Variants in LDB2 observed in about 807,000 individuals in gnomAD.
LDB2 encodes the protein LIM domain binding 2.
LDB2 carries 12 observed loss-of-function variants against 44.3 expected under a neutral mutation model. The ratio of observed to expected loss-of-function variants is 0.27; its 90% CI spans 0.17 to 0.44. The LOEUF is 0.44. LDB2 is among the 20% of genes least tolerant of loss of function. The pLI is 1.00. For synonymous variants in LDB2, 164 were observed against 174.8 expected (o/e 0.94, Z 0.49); for missense variants, 344 against 473.5 (o/e 0.73, Z 2.54).
At chr4:16,587,653 G>A (rs1717474911) in intron 4 of LDB2, among the ~76,000 whole-genome samples, 1 of 152,154 alleles carries the variant, frequency 6.6e-6, no homozygotes, top group African/African-American at 2.4e-5. Flanking sequence ...GTGTTAACTA[G>A]TCAGAAAGAG....
intron 2 of LDB2, among the ~76,000 whole-genome samples, chr4:16,696,399 GA>G (rs1752134351): frequency 6.6e-6 from 1 of 152,086 alleles, no homozygotes; most frequent in Non-Finnish European, 1.5e-5. Flanking sequence ...CCAAAATGAA[GA>G]AAAAATAATC....
chr4:16,742,637 A>T (rs73799259), intron 2 of LDB2, among the ~76,000 whole-genome samples: 94 of 152,202 alleles, frequency 6.2e-4, no homozygotes, highest in African/African-American at 2.2e-3. Context: ...ATGTGGCCAA[A>T]TTCTCCTCTT....
chr4:16,592,505 T>TATATATATACACACAC (rs757702164), intron 3 of LDB2, among the ~76,000 whole-genome samples: 6 of 108,050 alleles, frequency 5.6e-5, no homozygotes, highest in African/African-American at 2.3e-4. Flanking sequence ...TATATATATA[T>TATATATATACACACAC]ACACACACAC....
chr4:16,675,941 A>G (rs191447138), intron 2 of LDB2, among the ~76,000 whole-genome samples: 1 of 152,342 alleles, frequency 6.6e-6, no homozygotes, highest in Admixed American at 6.5e-5. Context: ...TGCCTGATTA[A>G]ACAAAAGTAC....
intron 2 of LDB2, among the ~76,000 whole-genome samples, chr4:16,675,466 T>TA (rs1560842263): frequency 6.6e-6 from 1 of 151,488 alleles, no homozygotes; most frequent in Admixed American, 6.6e-5. Context: ...CACTTTTATT[T>TA]AAAAAAAGAA....
At chr4:16,688,843 T>C (rs10020721) in intron 2 of LDB2, among the ~76,000 whole-genome samples, 13,481 of 152,306 alleles carry the variant, frequency 0.089, 787 homozygotes, top group East Asian at 0.33. Flanking sequence ...TCTCCTAATA[T>C]GTATGTTATT....
chr4:16,767,060 C>T (rs148414802), intron 1 of LDB2, among the ~76,000 whole-genome samples: 2 of 152,056 alleles, frequency 1.3e-5, no homozygotes, highest in Non-Finnish European at 2.9e-5. Context: ...ATATTTTGGT[C>T]CTTTCATTAG....
At chr4:16,704,199 C>CA (rs1305784897) in intron 2 of LDB2, among the ~76,000 whole-genome samples, 9 of 152,162 alleles carry the variant, frequency 5.9e-5, no homozygotes, top group Non-Finnish European at 1.0e-4. Context: ...TCCAGAACTA[C>CA]AAAAACCCCT....
intron 2 of LDB2, among the ~76,000 whole-genome samples, chr4:16,750,122 T>G (rs1765209341): frequency 6.6e-6 from 1 of 152,230 alleles, no homozygotes; most frequent in African/African-American, 2.4e-5. Flanking sequence ...CCTTCTACAA[T>G]TTTTCATTGT....
intron 5 of LDB2, among the ~76,000 whole-genome samples, chr4:16,527,432 A>T (rs1167051094): frequency 1.3e-5 from 2 of 152,128 alleles, no homozygotes; most frequent in Admixed American, 1.3e-4. Context: ...AAAAAAATAG[A>T]TGTTGGCGTG....
intron 2 of LDB2, among the ~76,000 whole-genome samples, chr4:16,690,210 A>G (rs903537714): frequency 4.6e-5 from 7 of 152,054 alleles, no homozygotes; most frequent in African/African-American, 7.2e-5. Context: ...AGATTTTCCA[A>G]TGAAGAACCA....
At chr4:16,554,541 G>T (rs972673167) in intron 5 of LDB2, among the ~76,000 whole-genome samples, 1 of 151,976 alleles carries the variant, frequency 6.6e-6, no homozygotes, top group African/African-American at 2.4e-5. Context: ...GAATCACCTG[G>T]GAAGCTTTAA....
intron 3 of LDB2, among the ~76,000 whole-genome samples, chr4:16,595,062 G>A (rs923998608): frequency 6.6e-6 from 1 of 152,114 alleles, no homozygotes; most frequent in South Asian, 2.1e-4. Flanking sequence ...ATGTATAGAA[G>A]ATGAGGTTAA....
At chr4:16,567,367 AGTGTGTGTGTGT>A (rs752692367) in intron 5 of LDB2, among the ~76,000 whole-genome samples, 1 of 83,150 alleles carries the variant, frequency 1.2e-5, no homozygotes, top group African/African-American at 3.4e-5. Flanking sequence ...GCAGACATAG[AGTGTGTGTGTGT>A]GTGTGCGCGT....
At chr4:16,664,039 G>GA (rs35111366) in intron 2 of LDB2, among the ~76,000 whole-genome samples, 86,140 of 151,712 alleles carry the variant, frequency 0.57, 24,876 homozygotes, top group Middle Eastern at 0.69. Context: ...AAGAGAGAGA[G>GA]AAAAAAAGGG....
chr4:16,815,847 T>C (rs1030539091), intron 1 of LDB2, among the ~76,000 whole-genome samples: 2 of 152,216 alleles, frequency 1.3e-5, no homozygotes, highest in Non-Finnish European at 2.9e-5. Context: ...GGTCTTTCCA[T>C]TGTATCATCT....
At chr4:16,804,838 T>C (rs79859325) in intron 1 of LDB2, among the ~76,000 whole-genome samples, 8,233 of 152,288 alleles carry the variant, frequency 0.054, 479 homozygotes, top group African/African-American at 0.14. Flanking sequence ...AATATATGTC[T>C]GCCTTGGCCA....
chr4:16,601,058 G>C (rs1385216597), intron 2 of LDB2, among the ~76,000 whole-genome samples: 1 of 151,958 alleles, frequency 6.6e-6, no homozygotes, highest in Non-Finnish European at 1.5e-5. Flanking sequence ...AACCACATAT[G>C]AAAATATTCG....
intron 1 of LDB2, among the ~76,000 whole-genome samples, chr4:16,887,287 A>T (rs1340067760): frequency 6.6e-6 from 1 of 151,966 alleles, no homozygotes; most frequent in Non-Finnish European, 1.5e-5. Context: ...AGCACTGCTT[A>T]GTCCAAGTTA....
Sources: gnomAD v4.1 joint callset for allele counts (sites outside exome capture counted in the v4.1 genomes callset) on GRCh38, gnomAD v4.1.1 for gene constraint, MANE v1.5 for transcripts, NCBI Gene and HGNC (gene_info 2026-07-23, HGNC 2026-07-21) for gene names.